Variants in RPF2 observed in about 807,000 individuals in gnomAD.
The protein encoded by RPF2 is brix domain containing 1.
A neutral mutation model predicts 38.9 loss-of-function variants in RPF2; 21 were observed. That is an observed-to-expected ratio of 0.54 (90% CI 0.38 to 0.78). The LOEUF is 0.78. RPF2 is among the 30% of genes least tolerant of loss of function. RPF2 has a pLI of 0.00. For synonymous variants in RPF2, 121 were observed against 126.2 expected, an observed-to-expected ratio of 0.96 and a Z score of 0.28; for missense variants, 314 against 358.1, an observed-to-expected ratio of 0.88 and a Z score of 0.99.
At position 111,013,400 on chromosome 6, in the gene RPF2, G is replaced by A. The variant is rs535043672; in HGVS notation, c.494-2354G>A. ...TAAGTACTACCATTTATGCCCTCCCGTTTTCATTCATTACTTGTTTGTGTT... is the reference window on the plus strand; with the variant it reads ...TAAGTACTACCATTTATGCCCTCCCATTTTCATTCATTACTTGTTTGTGTT... On this transcript the variant is annotated intron_variant, in intron 7 of 9. Coordinates refer to ENST00000441448, the MANE Select transcript of RPF2 (RefSeq NM_032194.3). Among the ~76,000 whole-genome samples the A allele has an allele frequency of 1.0e-3, 155 of 152,188 alleles. 2 individuals are homozygous for A. Among genetic ancestry groups the A allele is most frequent in the South Asian group, 4.8e-3 (23 of 4,826 alleles).
intron 4 of RPF2, among the ~76,000 whole-genome samples, chr6:110,992,726 A>G (rs1279311064): frequency 2.0e-5 from 3 of 152,200 alleles, no homozygotes. Context: ...TGTTTATAGT[A>G]AATGGAGAAT....
chr6:111,003,541 C>T (rs1250200742), intron 6 of RPF2, among the ~76,000 whole-genome samples: 1 of 152,016 alleles, frequency 6.6e-6, no homozygotes, highest in African/African-American at 2.4e-5. Context: ...TAGACTCTAC[C>T]AGGAAATTGA....
At chr6:110,991,471 A>G (rs1187944590) in intron 3 of RPF2, among the ~76,000 whole-genome samples, 2 of 150,626 alleles carry the variant, frequency 1.3e-5, no homozygotes, top group Non-Finnish European at 2.9e-5. Flanking sequence ...AAATCAATCC[A>G]TGGATGCAGA....
At chr6:111,017,571 G>T (rs1349676410) in intron 8 of RPF2, among the ~76,000 whole-genome samples, 1 of 151,694 alleles carries the variant, frequency 6.6e-6, no homozygotes, top group Non-Finnish European at 1.5e-5. Flanking sequence ...TCACCTCCCA[G>T]ATGGGGTCGC....
intron 8 of RPF2, among the ~76,000 whole-genome samples, chr6:111,017,432 T>G (rs1583274458): frequency 1.6e-5 from 2 of 125,752 alleles, no homozygotes; most frequent in African/African-American, 3.0e-5. Context: ...GGCTGCCGGA[T>G]GGGGGGGCTC....
At position 111,026,762 on chromosome 6, in the gene RPF2, G is replaced by A. The variant is rs1258046653; in HGVS notation, c.*1180G>A. On this transcript the variant is annotated 3_prime_UTR_variant, in exon 10 of 10. Coordinates refer to ENST00000441448, the MANE Select transcript of RPF2 (RefSeq NM_032194.3). ...TGCATACTTGTTTTTCTGGAATAGG[G>A]TGTTAAGTTCCTTGATTCAGTCCTT... 2 of 152,196 alleles carry A rather than the reference G, an allele frequency of 1.3e-5. No individual in the cohort carries two copies. Among genetic ancestry groups the A allele is most frequent in the Non-Finnish European group, 2.9e-5 (2 of 68,038 alleles). 9.4% of individuals were successfully genotyped at this position (152,196 alleles called of 1,614,324 possible).
At chr6:111,024,952 A>T (rs956628295) in intron 9 of RPF2, among the ~76,000 whole-genome samples, 9 of 152,224 alleles carry the variant, frequency 5.9e-5, no homozygotes, top group Non-Finnish European at 1.3e-4. Flanking sequence ...AGTACAGGGT[A>T]TATAAACCAT....
chr6:111,001,898 C>G (rs568567156), intron 6 of RPF2, among the ~76,000 whole-genome samples: 2 of 152,322 alleles, frequency 1.3e-5, no homozygotes, highest in South Asian at 2.1e-4. Flanking sequence ...AAGCCCATCA[C>G]TTTGGGAGGC....
rs750213535 is a variant in RPF2, at chr6:111,024,347, G to C, written c.741+20G>C. ...CTCAAGGTATATAACTTAGAGCTTGGTACCACATTTATTTGTATTTTCTAC... is the reference window on the plus strand; with the variant it reads ...CTCAAGGTATATAACTTAGAGCTTGCTACCACATTTATTTGTATTTTCTAC... On this transcript the variant is annotated intron_variant, in intron 9 of 9. Coordinates refer to ENST00000441448, the MANE Select transcript of RPF2 (RefSeq NM_032194.3). The C allele has an allele frequency of 1.3e-6, 2 of 1,572,828 alleles. No individual in the cohort carries two copies. The highest frequency in any genetic ancestry group is 1.2e-5 in the South Asian group (1 of 85,040).
In RPF2 at chr6:110,989,072, C is replaced by A; in HGVS notation, c.194+7C>A. 1 of 1,544,606 alleles carries A rather than the reference C, an allele frequency of 6.5e-7. No individual in the cohort carries two copies. The highest frequency in any genetic ancestry group is 1.3e-5 in the South Asian group (1 of 78,770). ...ACGGTGTACTATATAAAAAGTAAGT[C>A]ATGATTTCTTTTACTGTATTTTAAA... On this transcript the variant is annotated splice_region_variant and intron_variant, in intron 3 of 9. Coordinates refer to ENST00000441448, the MANE Select transcript of RPF2 (RefSeq NM_032194.3).
At chr6:110,994,736 C>CAT (rs1771681107) in intron 4 of RPF2, among the ~76,000 whole-genome samples, 1 of 122,470 alleles carries the variant, frequency 8.2e-6, no homozygotes, top group African/African-American at 3.4e-5. Context: ...AGTATATATA[C>CAT]ACACACACAC....
At chr6:110,999,196 A>C (rs924710096) in intron 5 of RPF2, among the ~76,000 whole-genome samples, 4 of 152,024 alleles carry the variant, frequency 2.6e-5, no homozygotes, top group Non-Finnish European at 5.9e-5. Flanking sequence ...CAATTACTTT[A>C]TACTTGCATT....
chr6:110,984,035 AT>A (rs1273765476), intron 1 of RPF2, among the ~76,000 whole-genome samples: 2 of 152,096 alleles, frequency 1.3e-5, no homozygotes, highest in Non-Finnish European at 2.9e-5. Context: ...TCTCAAAAAA[AT>A]AAATAAATAA....
At chr6:111,025,349 A>T in intron 9 of RPF2, 54 bp from the exon 10 acceptor site, 1 of 1,261,244 alleles carries the variant, frequency 7.9e-7, no homozygotes, top group Non-Finnish European at 1.1e-6. Flanking sequence ...CTAGATTTTT[A>T]CTGGCTCATT....
intron 6 of RPF2, among the ~76,000 whole-genome samples, chr6:111,006,566 A>T (rs1455135809): frequency 6.6e-6 from 1 of 152,056 alleles, no homozygotes; most frequent in African/African-American, 2.4e-5. Context: ...TACTTTTTAT[A>T]GGGTATAGTG....
At chr6:110,994,794 T>C (rs994013601) in intron 4 of RPF2, among the ~76,000 whole-genome samples, 1 of 142,390 alleles carries the variant, frequency 7.0e-6, no homozygotes, top group African/African-American at 2.7e-5. Flanking sequence ...TATAAAACAC[T>C]CAAGTATATA....
chr6:110,998,247 A>G (rs1055959811), intron 5 of RPF2, among the ~76,000 whole-genome samples: 18 of 152,056 alleles, frequency 1.2e-4, no homozygotes, highest in African/African-American at 4.3e-4. Context: ...CTGCCTGTGC[A>G]GTGGCCTGCC....
intron 2 of RPF2, among the ~76,000 whole-genome samples, chr6:110,987,976 A>AC (rs773488008): frequency 6.6e-6 from 1 of 151,962 alleles, no homozygotes; most frequent in Non-Finnish European, 1.5e-5. Flanking sequence ...ACAAAGTGAG[A>AC]CCCCATCTCT....
At chr6:111,019,630 G>A (rs931804377) in intron 8 of RPF2, among the ~76,000 whole-genome samples, 5 of 151,968 alleles carry the variant, frequency 3.3e-5, no homozygotes, top group African/African-American at 1.2e-4. Context: ...CTAGCTACTC[G>A]GGAGGCTGAG....
Sources: gnomAD v4.1 joint callset for allele counts (sites outside exome capture counted in the v4.1 genomes callset) on GRCh38, gnomAD v4.1.1 for gene constraint, MANE v1.5 for transcripts, NCBI Gene and HGNC (gene_info 2026-07-23, HGNC 2026-07-21) for gene names.